ZNF436: variants seen among roughly 807,000 people sequenced by gnomAD.
ZNF436 encodes the protein DNA-binding protein.
ZNF436 carries 22 observed loss-of-function variants against 41.9 expected under a neutral mutation model. The observed-to-expected ratio is 0.53, with a 90% CI of 0.38 to 0.75. ZNF436 has a LOEUF of 0.75. Ranked by LOEUF, ZNF436 falls within the 30% of genes least tolerant of loss-of-function variation. The pLI is 0.00. For synonymous variants in ZNF436, 217 were observed against 197.8 expected (o/e 1.10, Z -0.82); for missense variants, 506 against 587.3 (o/e 0.86, Z 1.43).
At position 23,368,074 on chromosome 1, in the gene ZNF436, G is replaced by A. The variant is rs578009863; in HGVS notation, c.-60-9C>T. 23 of 1,585,068 alleles carry A rather than the reference G, an allele frequency of 1.5e-5. No individual in the cohort carries two copies. The highest frequency in any genetic ancestry group is 1.8e-5 in the Non-Finnish European group (21 of 1,155,856). ...GCAGCTAGCAGACAGCGCTGAAGGA[G>A]GCGAAAAGCAGGGCGTGAGGCACGG... On this transcript the variant is annotated splice_polypyrimidine_tract_variant and intron_variant, in intron 1 of 3. Coordinates refer to ENST00000314011, the MANE Select transcript of ZNF436 (RefSeq NM_001077195.2).
rs1223478921 is a variant in ZNF436 at position 23,362,243 on chromosome 1, T to C, written c.1139A>G (p.His380Arg). The change falls in exon 4 of 4, where the codon CAC (histidine) becomes CGC (arginine). Residue 380 changes from histidine (H) to arginine (R), a missense_variant. Around this residue, in one of 2 missense-constraint regions of ZNF436, gnomAD observed 278 missense variants for 372.1 expected, o/e 0.75. Transcript: ENST00000314011. ...SFSRSSHLIT[H>R]QKIHTGEKPY... ...CTTCTCTCCAGTGTGAATTTTCTGGTGTGTGATGAGATGAGAGCTCCGGCT... is the reference window on the plus strand; with the variant it reads ...CTTCTCTCCAGTGTGAATTTTCTGGCGTGTGATGAGATGAGAGCTCCGGCT... 1 of 1,614,108 alleles carries C rather than the reference T, an allele frequency of 6.2e-7. No individual in the cohort carries two copies. Among genetic ancestry groups the C allele is most frequent in the Non-Finnish European group, 8.5e-7 (1 of 1,180,040 alleles).
At position 23,361,760 on chromosome 1, in the gene ZNF436, T is replaced by C. The variant is rs968857109; in HGVS notation, c.*209A>G. On this transcript the variant is annotated 3_prime_UTR_variant, in exon 4 of 4. Transcript: ENST00000314011. Reference sequence around the variant, plus strand: ...GGGCTGCTTTTAATGAAGTAACCCATTGAGTGAATAAAAATCACCATTTTG... The same window carrying C: ...GGGCTGCTTTTAATGAAGTAACCCACTGAGTGAATAAAAATCACCATTTTG... 3 of 503,780 alleles carry C rather than the reference T, an allele frequency of 6.0e-6. No homozygotes were observed. Among genetic ancestry groups the C allele is most frequent in the African/African-American group, 3.9e-5 (2 of 51,438 alleles). The allele number at this position is 503,780 out of a possible 1,614,324, so 31.2% of individuals were successfully genotyped here.
intron 3 of ZNF436, among the ~76,000 whole-genome samples, chr1:23,364,451 G>A (rs541374792): frequency 1.2e-4 from 18 of 152,044 alleles, no homozygotes; most frequent in East Asian, 1.9e-4. Flanking sequence ...TTGGCCAGGC[G>A]GGTCTTGAAC....
In ZNF436 at chr1:23,367,106, G is replaced by A; in HGVS notation, c.96C>T (p.Asp32=). The A allele has an allele frequency of 2.5e-6, 4 of 1,613,782 alleles. No homozygotes were observed. Among genetic ancestry groups the A allele is most frequent in the Non-Finnish European group, 2.5e-6 (3 of 1,179,840 alleles). Residue 32 remains aspartate, a synonymous_variant, in exon 3 of 4, where the codon GAC becomes GAT. Transcript: ENST00000314011. ...YLTREEWRPL[D]AAQRDLYRDV... ...CCCGGTAAAGGTCCCTCTGTGCAGC[G>A]TCCAGAGGTCTCCATTCTTCCCGGG...
At chr1:23,366,906 C>A in intron 3 of ZNF436, 136 bp downstream of exon 3, 1 of 963,000 alleles carries the variant, frequency 1.0e-6, no homozygotes, top group Non-Finnish European at 1.5e-6. Context: ...CAAAGATCTG[C>A]CTGAGGACTC....
At chr1:23,364,054 C>A (rs1433659592) in intron 3 of ZNF436, among the ~76,000 whole-genome samples, 2 of 149,492 alleles carry the variant, frequency 1.3e-5, no homozygotes, top group Non-Finnish European at 3.0e-5. Context: ...AAAAAAAAAA[C>A]TATATATATT....
chr1:23,368,965 G>A (rs1638432083), intron 1 of ZNF436: 1 of 156,378 alleles, frequency 6.4e-6, no homozygotes, highest in South Asian at 1.6e-4. Context: ...CCCCGCGCCG[G>A]GGCGACTCGG....
rs1034483247 is a variant in ZNF436 at position 23,362,167 on chromosome 1, T to C, written c.1215A>G (p.Leu405=). 3.7e-6 allele frequency: 6 copies of C among 1,609,780 alleles called. No homozygotes were observed. Among genetic ancestry groups the C allele is most frequent in the Non-Finnish European group, 5.1e-6 (6 of 1,178,954 alleles). The part of the protein sequence containing the change: ...CWRSFGERSD[L]IKHQRTHTGE... Reference sequence around the variant, plus strand: ...CTGTGTGGGTTCTCTGATGTTTAATTAGATCTGACCTTTCACCAAAGCTTC... The same window carrying C: ...CTGTGTGGGTTCTCTGATGTTTAATCAGATCTGACCTTTCACCAAAGCTTC... The change falls in exon 4 of 4, where the codon CTA becomes CTG. Residue 405 remains leucine (L), a synonymous_variant. Coordinates refer to ENST00000314011, the MANE Select transcript of ZNF436 (RefSeq NM_001077195.2).
At position 23,363,030 on chromosome 1, in the gene ZNF436, G is replaced by C; in HGVS notation, c.352C>G (p.Pro118Ala). Residue 118 changes from proline (P) to alanine (A), a missense_variant, in exon 4 of 4, where the codon CCT (proline) becomes GCT (alanine). Transcript: ENST00000314011. Reference protein sequence around the residue: ...DLTAEEWVSYPLQPVTDLLVH... With the variant: ...DLTAEEWVSYALQPVTDLLVH... ...AGTAGATCAGTGACTGGTTGGAGAG[G>C]ATAGCTTACCCACTCTTCTGCTGTT... 3 of 1,614,198 alleles carry C rather than the reference G, an allele frequency of 1.9e-6. No homozygotes were observed. Among genetic ancestry groups the C allele is most frequent in the Non-Finnish European group, 2.5e-6 (3 of 1,180,046 alleles).
chr1:23,363,666 T>C (rs1261841787), intron 3 of ZNF436, among the ~76,000 whole-genome samples: 1 of 152,198 alleles, frequency 6.6e-6, no homozygotes, highest in Non-Finnish European at 1.5e-5. Context: ...CTCAAGGCCA[T>C]AGTAAATGGT....
chr1:23,367,139 C>T lies in ZNF436; in HGVS notation c.63G>A (p.Met21Ile). The T allele has an allele frequency of 6.2e-7, 1 of 1,613,432 alleles. No homozygotes were observed. Among genetic ancestry groups the T allele is most frequent in the Non-Finnish European group, 8.5e-7 (1 of 1,179,624 alleles). Residue 21 changes from methionine (M) to isoleucine (I), a missense_variant, in exon 3 of 4, where the codon ATG becomes ATA. Coordinates refer to ENST00000314011, the MANE Select transcript of ZNF436 (RefSeq NM_001077195.2). ...GTCTCCATTCTTCCCGGGTGAGATA[C>T]ATGGCCATATCTTCAAACGTCACAG... ...QAPVTFEDMA[M>I]YLTREEWRPL...
Position 23,369,572 on chromosome 1 carries a change from A to G in ZNF436, c.-267T>C, listed in dbSNP as rs765663214. 5.6e-6 allele frequency: 3 copies of G among 532,902 alleles called. No individual in the cohort carries two copies. The highest frequency in any genetic ancestry group is 7.7e-6 in the Non-Finnish European group (2 of 258,616). The allele number at this position is 532,902 out of a possible 1,614,324, so 33.0% of individuals were successfully genotyped here. On this transcript the variant is annotated 5_prime_UTR_variant, in exon 1 of 4. Coordinates refer to ENST00000314011, the MANE Select transcript of ZNF436 (RefSeq NM_001077195.2). ...CCCAGATATCGTAGGCTGATCCTAA[A>G]GACTCAGATTCCCGAGGCCTCAGAC...
rs377608060 is a variant in ZNF436 at position 23,362,408 on chromosome 1, C to T, written c.974G>A (p.Arg325His). 7.1e-5 allele frequency: 115 copies of T among 1,612,524 alleles called. No homozygotes were observed. Among genetic ancestry groups the T allele is most frequent in the Middle Eastern group, 1.7e-4 (1 of 6,052 alleles). ...TGGCTTCTCTCCCGTGTGGGCTCTG[C>T]GATGACGCACAAGGTCGGAGTTCTG... is the stretch of plus-strand genomic sequence containing the variant. ...FSQNSDLVRH[R>H]RAHTGEKPYH... Residue 325 changes from arginine to histidine, a missense_variant, in exon 4 of 4, where the codon CGC becomes CAC. Transcript: ENST00000314011.
In ZNF436 at chr1:23,361,952, GCC is replaced by G. The variant is rs1221687021; in HGVS notation, c.*15_*16del. ...GTATCTTCAAATGAATCATTTCTCA[GCC>G]ATCATAATTACAGCTTAGTCCGTAT... On this transcript the variant is annotated 3_prime_UTR_variant, in exon 4 of 4. Transcript: ENST00000314011. 1.3e-6 allele frequency: 2 copies of G among 1,554,996 alleles called. No homozygotes were observed. The highest frequency in any genetic ancestry group is 2.8e-5 in the African/African-American group (2 of 72,570).
rs755610513 is a variant in ZNF436, at chr1:23,361,991, T to C, written c.1391A>G (p.His464Arg). ...AGCTTAGTCCGTATGAACTCTCTTATGTTTAATAAGAGCTGAGCTCCTGCT... is the reference window on the plus strand; with the variant it reads ...AGCTTAGTCCGTATGAACTCTCTTACGTTTAATAAGAGCTGAGCTCCTGCT... ...SFSRSSALIK[H>R]KRVHTD Residue 464 changes from histidine to arginine, a missense_variant, in exon 4 of 4, where the codon CAT becomes CGT. By Grantham distance (29) the His-to-Arg change is conservative (BLOSUM62 0). This residue lies in a region of ZNF436 where 278 missense variants were observed against 372.1 expected (regional missense o/e 0.75). Transcript: ENST00000314011. 3.1e-6 allele frequency: 5 copies of C among 1,608,346 alleles called. No individual in the cohort carries two copies. Among genetic ancestry groups the C allele is most frequent in the East Asian group, 4.5e-5 (2 of 44,840 alleles).
At position 23,362,896 on chromosome 1, in the gene ZNF436, T is replaced by C. The variant is rs753913033; in HGVS notation, c.486A>G (p.Gly162=). 21 of 1,614,222 alleles carry C rather than the reference T, an allele frequency of 1.3e-5. No homozygotes were observed. Among genetic ancestry groups the C allele is most frequent in the Admixed American group, 3.3e-5 (2 of 60,020 alleles). ...ATTCATAACATTTATAGGGTCTGTC[T>C]CCAGTGTGGGTCTTCTGATGTCGAT... ...DLNRHQKTHT[G]DRPYKCYECG... is the part of the protein sequence containing the mutation. The change falls in exon 4 of 4, where the codon GGA becomes GGG. Residue 162 remains glycine, a synonymous_variant. Transcript: ENST00000314011.
rs759251320 is a variant in ZNF436, at chr1:23,362,376, A to G, written c.1006T>C (p.Cys336Arg). The G allele has an allele frequency of 1.2e-6, 2 of 1,613,988 alleles. No individual in the cohort carries two copies. The highest frequency in any genetic ancestry group is 2.2e-5 in the South Asian group (2 of 91,082). Residue 336 changes from cysteine to arginine, a missense_variant, in exon 4 of 4, where the codon TGT (cysteine) becomes CGT (arginine). Transcript: ENST00000314011. ...CTGAAATTTTCCCCACATTCGTTAC[A>G]GTGGTATGGCTTCTCTCCCGTGTGG... ...RAHTGEKPYH[C>R]NECGENFSRI...
Position 23,361,971 on chromosome 1 carries a change from A to G in ZNF436, c.1411T>C (p.Ter471GlnextTer9), listed in dbSNP as rs1399056881. 1 of 1,579,630 alleles carries G rather than the reference A, an allele frequency of 6.3e-7. No individual in the cohort carries two copies. The highest frequency in any genetic ancestry group is 1.2e-5 in the South Asian group (1 of 86,214). The change falls in exon 4 of 4, where the codon TAA (stop) becomes CAA (glutamine). Residue 471 changes from the stop codon to glutamine, a stop_lost. Coordinates refer to ENST00000314011, the MANE Select transcript of ZNF436 (RefSeq NM_001077195.2). Reference protein sequence around the residue: ...LIKHKRVHTD* With the variant: ...LIKHKRVHTDQ ...TTCTCAGCCATCATAATTACAGCTTAGTCCGTATGAACTCTCTTATGTTTA... is the reference window on the plus strand; with the variant it reads ...TTCTCAGCCATCATAATTACAGCTTGGTCCGTATGAACTCTCTTATGTTTA...
chr1:23,365,072 C>A (rs1357026722), intron 3 of ZNF436, among the ~76,000 whole-genome samples: 1 of 152,028 alleles, frequency 6.6e-6, no homozygotes, highest in Non-Finnish European at 1.5e-5. Context: ...GCCTGTGCAA[C>A]ATAGGGAGGT....
Sources: allele counts gnomAD v4.1 joint callset (sites outside exome capture counted in the v4.1 genomes callset), GRCh38; gene constraint gnomAD v4.1.1; regional missense constraint gnomAD v4.1.1; transcripts MANE v1.5; gene names NCBI Gene and HGNC (gene_info 2026-07-23, HGNC 2026-07-21).